The following OGG1 variants were observed in gnomAD, a reference collection of about 807,000 sequenced individuals.
OGG1 encodes 8-oxoguanine DNA glycosylase, also known as N-glycosylase/DNA lyase.
OGG1 carries 35 observed loss-of-function variants against 42.3 expected under a neutral mutation model. The ratio of observed to expected loss-of-function variants is 0.83; its 90% CI spans 0.63 to 1.10. The LOEUF (loss-of-function observed/expected upper bound fraction) is 1.10, where lower values mean the gene tolerates loss of function less well. Ranked by LOEUF, OGG1 falls within the 50% of genes least tolerant of loss-of-function variation. The pLI is 0.00. For missense variants in OGG1, 484 were observed against 446.7 expected (o/e 1.08, Z -0.75); for synonymous variants, 189 against 179.0 (o/e 1.06, Z -0.44).
chr3:9,767,930 A>G (rs2078200424), downstream of OGG1: 1 of 1,233,968 alleles, frequency 8.1e-7, no homozygotes. Context: ...TCATTTGTTT[A>G]TTCAACATTC....
chr3:9,772,235 T>G (rs1272774958), intron 2 of OGG1, among the ~76,000 whole-genome samples: 2 of 152,234 alleles, frequency 1.3e-5, no homozygotes, highest in East Asian at 3.8e-4. Flanking sequence ...AGTATTTCTA[T>G]TGAACAAGTG....
At chr3:9,753,627 CT>C (rs2077408603) in intron 3 of OGG1, among the ~76,000 whole-genome samples, 1 of 151,756 alleles carries the variant, frequency 6.6e-6, no homozygotes. Context: ...GCACTCCAGC[CT>C]GGGCGACAGA....
At chr3:9,763,203 G>T (rs757766232) in intron 7 of OGG1, 1 of 1,613,876 alleles carries the variant, frequency 6.2e-7, no homozygotes, top group Admixed American at 1.7e-5. Flanking sequence ...ACAATGTTGG[G>T]GTGCTTGATC....
chr3:9,781,411 G>GA, intron 2 of OGG1: 1 of 430,282 alleles, frequency 2.3e-6, no homozygotes, highest in Non-Finnish European at 4.8e-6. Context: ...TACCCGTGAG[G>GA]AAAATGAGGC....
chr3:9,763,110 G>C (rs746451289), intron 7 of OGG1: 3 of 1,614,136 alleles, frequency 1.9e-6, no homozygotes, highest in Non-Finnish European at 2.5e-6. Flanking sequence ...GGAGAGGTGT[G>C]GGGGCAGGGC....
chr3:9,771,137 C>A (rs2078291442), downstream of OGG1, among the ~76,000 whole-genome samples: 1 of 151,970 alleles, frequency 6.6e-6, no homozygotes, highest in Non-Finnish European at 1.5e-5. Context: ...AAGTCATCTT[C>A]CTACCTCAGC....
intron 2 of OGG1, among the ~76,000 whole-genome samples, chr3:9,774,756 ATGT>A (rs2078344243): frequency 6.6e-6 from 1 of 152,202 alleles, no homozygotes; most frequent in Non-Finnish European, 1.5e-5. Context: ...CTGAAGGCTG[ATGT>A]TGATGTGAGG....
chr3:9,763,686 AC>A (rs1425227720), intron 7 of OGG1, among the ~76,000 whole-genome samples: 1 of 152,012 alleles, frequency 6.6e-6, no homozygotes, highest in Non-Finnish European at 1.5e-5. Context: ...CCTGATACAT[AC>A]CTCTTAAGAG....
At chr3:9,753,849 G>A (rs1340111545) in intron 3 of OGG1, among the ~76,000 whole-genome samples, 1 of 152,356 alleles carries the variant, frequency 6.6e-6, no homozygotes, top group Non-Finnish European at 1.5e-5. Context: ...TTAAGAGCAC[G>A]GCGTTAGCCA....
intron 7 of OGG1, among the ~76,000 whole-genome samples, chr3:9,763,439 A>G (rs2077989301): frequency 6.7e-6 from 1 of 149,904 alleles, no homozygotes; most frequent in Non-Finnish European, 1.5e-5. Flanking sequence ...TTTAGAGCTC[A>G]GGACAGCTCA....
intron 3 of OGG1, chr3:9,787,599 C>G (rs922256937): frequency 1.8e-6 from 2 of 1,102,396 alleles, no homozygotes; most frequent in African/African-American, 1.6e-5. Flanking sequence ...GTGCAGAATA[C>G]GTACACAGAT....
At chr3:9,790,340 T>G (rs890930012), downstream of OGG1, among the ~76,000 whole-genome samples, 1 of 152,190 alleles carries the variant, frequency 6.6e-6, no homozygotes. Context: ...AAATACAACT[T>G]GAGTCATAGC....
At chr3:9,766,009 C>T in exon 8 of OGG1, 2 of 1,614,114 alleles carry the variant, frequency 1.2e-6, no homozygotes, top group African/African-American at 1.3e-5. Flanking sequence ...ATGACCCTCC[C>T]CTAGTCACTC....
chr3:9,766,763 A>C, downstream of OGG1: 1 of 395,512 alleles, frequency 2.5e-6, no homozygotes, highest in Non-Finnish European at 3.6e-6. Flanking sequence ...TGAAATTTCA[A>C]TCCTCAGGGA....
intron 7 of OGG1, among the ~76,000 whole-genome samples, chr3:9,762,688 A>G (rs367765719): frequency 1.3e-5 from 2 of 152,070 alleles, no homozygotes; most frequent in African/African-American, 4.8e-5. Context: ...TTTAATCAGA[A>G]AAAGACAAAA....
chr3:9,786,609 T>G (rs1314836164), intron 3 of OGG1, among the ~76,000 whole-genome samples: 1 of 152,194 alleles, frequency 6.6e-6, no homozygotes, highest in Non-Finnish European at 1.5e-5. Flanking sequence ...TTAACCACTG[T>G]CCTGGCCTCC....
At position 9,757,041 on chromosome 3, in the gene OGG1, C is replaced by CA; in HGVS notation, c.949-19dup. 1 of 1,614,056 alleles carries CA rather than the reference C, an allele frequency of 6.2e-7. No individual in the cohort carries two copies. The highest frequency in any genetic ancestry group is 1.3e-5 in the African/African-American group (1 of 75,068). ...ACCCCAGTGTACCCTCCTCCCCACACAGACTCCACCCTCCTACAGGTGCTG... is the reference window on the plus strand; with the variant it reads ...ACCCCAGTGTACCCTCCTCCCCACACAAGACTCCACCCTCCTACAGGTGCTG... On this transcript the variant is annotated intron_variant, in intron 6 of 6. Coordinates refer to ENST00000344629, the MANE Select transcript of OGG1 (RefSeq NM_002542.6). This position sits in a 1 kb window ranked among gnomAD's most constrained non-coding sequence, Gnocchi z 4.5.
downstream of OGG1, chr3:9,790,020 T>C: frequency 6.6e-7 from 1 of 1,519,436 alleles, no homozygotes; most frequent in Non-Finnish European, 8.8e-7. Flanking sequence ...GAATATCTCT[T>C]TCCTCTAGTG....
downstream of OGG1, chr3:9,789,897 G>A (rs150405238): frequency 1.2e-6 from 2 of 1,614,198 alleles, no homozygotes; most frequent in Admixed American, 1.7e-5. Context: ...GGAGCTCCAA[G>A]TTCATGGTCT....
Sources: allele counts gnomAD v4.1 joint callset (sites outside exome capture counted in the v4.1 genomes callset), GRCh38; gene constraint gnomAD v4.1.1; non-coding constraint Gnocchi (gnomAD v3.1); transcripts MANE v1.5; gene names NCBI Gene and HGNC (gene_info 2026-07-23, HGNC 2026-07-21).